Variants in HYCC2 observed in about 807,000 individuals in gnomAD.
The protein encoded by HYCC2 is hyccin 2.
At chr2:201,059,257 C>T in the HYCC2 span, among the ~76,000 whole-genome samples, 9 of 152,188 alleles carry the variant, frequency 5.9e-5, no homozygotes, top group African/African-American at 9.7e-5. Flanking sequence ...AAATCACACA[C>T]AACCTTATTG....
At chr2:201,002,714 C>T in the HYCC2 span, among the ~76,000 whole-genome samples, 4 of 151,938 alleles carry the variant, frequency 2.6e-5, no homozygotes, top group African/African-American at 4.8e-5. Context: ...TTAGTAGAGA[C>T]GGGTTTCACT....
the HYCC2 span, chr2:201,063,201 G>C: frequency 6.2e-7 from 1 of 1,607,352 alleles, no homozygotes; most frequent in Non-Finnish European, 8.5e-7. Context: ...GAGCAACGGG[G>C]AACGCTCACA....
At chr2:201,015,921 A>G in the HYCC2 span, among the ~76,000 whole-genome samples, 3 of 152,176 alleles carry the variant, frequency 2.0e-5, no homozygotes, top group East Asian at 1.9e-4. Flanking sequence ...CATCACCTCA[A>G]TAAAGCCTGC....
the HYCC2 span, chr2:200,981,216 C>A: frequency 6.4e-7 from 1 of 1,568,668 alleles, no homozygotes. This position sits in a 1 kb window ranked among gnomAD's most constrained non-coding sequence, Gnocchi z 4.5. Context: ...TCTTCTTGCA[C>A]AATGAAATGT....
the HYCC2 span, among the ~76,000 whole-genome samples, chr2:201,066,486 A>C: frequency 6.6e-6 from 1 of 152,338 alleles, no homozygotes; most frequent in South Asian, 2.1e-4. Context: ...CTAATAAATA[A>C]ATAAAGAACG....
the HYCC2 span, among the ~76,000 whole-genome samples, chr2:201,009,831 C>T: frequency 3.3e-5 from 5 of 151,340 alleles, no homozygotes; most frequent in South Asian, 4.2e-4. Context: ...AGGCCAGGCG[C>T]GGTGGCTCAC....
the HYCC2 span, among the ~76,000 whole-genome samples, chr2:201,038,553 C>T: frequency 6.6e-6 from 1 of 152,262 alleles, no homozygotes; most frequent in East Asian, 1.9e-4. Flanking sequence ...CTATGGAATA[C>T]TATGCAGCCA....
the HYCC2 span, chr2:201,063,002 A>G: frequency 6.8e-7 from 1 of 1,465,014 alleles, no homozygotes; most frequent in African/African-American, 1.4e-5. Context: ...TTTATTATGC[A>G]TCAAGTACTA....
the HYCC2 span, among the ~76,000 whole-genome samples, chr2:200,984,542 T>C: frequency 3.3e-5 from 5 of 152,334 alleles, no homozygotes; most frequent in East Asian, 5.8e-4. Flanking sequence ...TGAGCAGAGT[T>C]CAGAATTACC....
At chr2:201,023,686 C>T in the HYCC2 span, 7 of 244,174 alleles carry the variant, frequency 2.9e-5, no homozygotes, top group Non-Finnish European at 5.5e-5. Context: ...TGGATCTTCT[C>T]TTTTACTGAA....
the HYCC2 span, among the ~76,000 whole-genome samples, chr2:200,984,930 T>C: frequency 6.6e-6 from 1 of 152,112 alleles, no homozygotes; most frequent in Non-Finnish European, 1.5e-5. Context: ...CTGGGCAACA[T>C]AGCAAGACCC....
At chr2:200,987,437 C>A in the HYCC2 span, 1 of 1,289,844 alleles carries the variant, frequency 7.8e-7, no homozygotes, top group South Asian at 1.2e-5. Context: ...AGCACCTCCC[C>A]CTCTTGCACA....
chr2:201,050,842 G>A, the HYCC2 span, among the ~76,000 whole-genome samples: 3 of 152,204 alleles, frequency 2.0e-5, no homozygotes, highest in South Asian at 2.1e-4. Context: ...GGCTGAGGCA[G>A]GAGAATCGCT....
At chr2:200,993,889 G>C in the HYCC2 span, among the ~76,000 whole-genome samples, 4 of 151,916 alleles carry the variant, frequency 2.6e-5, no homozygotes, top group East Asian at 5.8e-4. Flanking sequence ...AGAATGGCGT[G>C]AACCTGGGAA....
the HYCC2 span, among the ~76,000 whole-genome samples, chr2:201,028,507 A>T: frequency 6.6e-6 from 1 of 152,090 alleles, no homozygotes; most frequent in Non-Finnish European, 1.5e-5. Flanking sequence ...TATTGCCAAG[A>T]CAATCCTAAG....
the HYCC2 span, among the ~76,000 whole-genome samples, chr2:201,051,108 G>T: frequency 7.9e-5 from 12 of 152,094 alleles, no homozygotes; most frequent in Non-Finnish European, 7.4e-5. Flanking sequence ...ATATAAAAAG[G>T]AATTTACTCC....
At chr2:200,977,954 GTATTCTTTTA>G in the HYCC2 span, 1 of 152,080 alleles carries the variant, frequency 6.6e-6, no homozygotes, top group Admixed American at 6.5e-5. Flanking sequence ...CTGTTTCTTT[GTATTCTTTTA>G]TCCAACTTGG....
the HYCC2 span, chr2:200,981,339 G>A: frequency 6.8e-6 from 11 of 1,614,030 alleles, no homozygotes; most frequent in Non-Finnish European, 9.3e-6. The surrounding 1 kb of genome is among the most constrained non-coding windows in gnomAD (Gnocchi z 4.5). Context: ...GGGCTCCTGG[G>A]CTGAGGAGCT....
At chr2:201,032,328 T>A in the HYCC2 span, among the ~76,000 whole-genome samples, 2 of 152,196 alleles carry the variant, frequency 1.3e-5, no homozygotes, top group African/African-American at 2.4e-5. Context: ...ATTCATTTTT[T>A]CTAAAAATAT....
Sources: allele counts gnomAD v4.1 joint callset (sites outside exome capture counted in the v4.1 genomes callset), GRCh38; gene constraint gnomAD v4.1.1; non-coding constraint Gnocchi (gnomAD v3.1); transcripts MANE v1.5; gene names NCBI Gene and HGNC (gene_info 2026-07-23, HGNC 2026-07-21).